Variants in STAG2 observed in about 807,000 individuals in gnomAD.
STAG2 encodes the protein cohesin subunit SA-2.
STAG2 carries 14 observed loss-of-function variants against 108.1 expected under a neutral mutation model. The ratio of observed to expected loss-of-function variants is 0.13; its 90% CI spans 0.09 to 0.20. The LOEUF (loss-of-function observed/expected upper bound fraction) is 0.20. STAG2 is among the 10% of genes least tolerant of loss of function. The pLI, the probability that STAG2 is intolerant of heterozygous loss-of-function variation, is 1.00. For missense variants in STAG2, 440 were observed against 940.9 expected (o/e 0.47, Z 6.96); for synonymous variants, 307 against 302.7 (o/e 1.01, Z -0.15).
chrX:124,027,400 G>A (rs2057144263), intron 4 of STAG2, among the ~76,000 whole-genome samples: 2 of 111,728 alleles, frequency 1.8e-5, no homozygotes, highest in South Asian at 7.3e-4. Flanking sequence ...ATTAACTTAC[G>A]GCTATCCAAA....
At chrX:124,070,979 A>T (rs752193001) in intron 24 of STAG2, among the ~76,000 whole-genome samples, 170 bp from the exon 25 acceptor site, 22 of 112,279 alleles carry the variant, frequency 2.0e-4, no homozygotes, top group African/African-American at 7.1e-4. Context: ...CATAAATTAT[A>T]CTTCGCAGCT....
chrX:124,005,715 A>T (rs745512352), intron 1 of STAG2, among the ~76,000 whole-genome samples: 3 of 111,792 alleles, frequency 2.7e-5, no homozygotes, highest in Non-Finnish European at 3.8e-5. Flanking sequence ...TTGTTTAACC[A>T]TGTACTCATT....
At chrX:124,049,467 T>C (rs1358151359) in intron 10 of STAG2, among the ~76,000 whole-genome samples, 1 of 112,448 alleles carries the variant, frequency 8.9e-6, no homozygotes, top group Non-Finnish European at 1.9e-5. Context: ...TTTCTTTTGC[T>C]GTTTTGAATG....
At chrX:123,968,350 G>T (rs991003748) in intron 1 of STAG2, among the ~76,000 whole-genome samples, 15 of 112,206 alleles carry the variant, frequency 1.3e-4, no homozygotes, top group African/African-American at 4.9e-4. Flanking sequence ...ACCATTCAAA[G>T]GTAAAATTTC....
chrX:124,098,418 C>T (rs181742357), intron 34 of STAG2, among the ~76,000 whole-genome samples: 234 of 111,271 alleles, frequency 2.1e-3, no homozygotes, highest in African/African-American at 7.1e-3. Flanking sequence ...CTAAACTATA[C>T]TCCATACTGT....
rs1416603274 is a variant in STAG2, at chrX:123,967,410, CAT to C, written c.-163+5555_-163+5556del. Among the ~76,000 whole-genome samples, 4 of 108,689 alleles carry C rather than the reference CAT, an allele frequency of 3.7e-5. No individual in the cohort carries two copies. The East Asian group carries it at 1.2e-3, about 31-fold the overall frequency. The allele number at this position is 108,689 out of a possible 115,157, so 94.4% of individuals were successfully genotyped here. The stretch of plus-strand genomic sequence containing the variant: ...CCTCCCGAGTAGCTGGGATTACAGG[CAT>C]GTGCCACCACACCGGGCTAATTTTG... On this transcript the variant is annotated intron_variant, in intron 1 of 34. Coordinates refer to ENST00000371145, the MANE Select transcript of STAG2 (RefSeq NM_001042750.2).
rs1216097103 is a variant in STAG2, at chrX:124,031,528, G to GT, written c.288+409dup. 1.0e-3 allele frequency among the ~76,000 whole-genome samples: 82 copies of GT among 82,242 alleles called. 1 individual carries two copies. The highest frequency in any genetic ancestry group is 2.3e-3 in the East Asian group (6 of 2,560). The allele number at this position is 82,242 out of a possible 115,157, so 71.4% of individuals were successfully genotyped here. Reference sequence around the variant, plus strand: ...GTACAAACCACCATGCCTGGCTAGTGTTTTTTGTTTGTTTGTTTGTTTGTT... The same window carrying GT: ...GTACAAACCACCATGCCTGGCTAGTGTTTTTTTGTTTGTTTGTTTGTTTGTT... On this transcript the variant is annotated intron_variant, in intron 5 of 34. Transcript: ENST00000371145.
intron 1 of STAG2, among the ~76,000 whole-genome samples, chrX:124,005,131 G>C (rs1298653544): frequency 9.0e-6 from 1 of 111,681 alleles, no homozygotes; most frequent in Non-Finnish European, 1.9e-5. Flanking sequence ...TAGTTATATT[G>C]TATTGATTTT....
intron 1 of STAG2, among the ~76,000 whole-genome samples, chrX:123,973,261 C>T (rs933943241): frequency 3.6e-5 from 4 of 109,616 alleles, no homozygotes; most frequent in African/African-American, 6.6e-5. Flanking sequence ...TATGGGGGAC[C>T]GGGTGCGGTA....
chrX:124,068,574 T>C lies in STAG2; in HGVS notation c.2276T>C (p.Leu759Pro). ...TTAAATTTTTTCAAGGAGGACTTGC[T>C]GCGTTTAAAGAAACAAATGAGAGTA... is the stretch of plus-strand genomic sequence containing the variant. ...TESSSTKEDL[L>P]RLKKQMRVFC... Residue 759 changes from leucine to proline, a missense_variant, in exon 24 of 35, where the codon CTG becomes CCG. Leu to Pro is a moderately conservative substitution (Grantham distance 98). This residue lies in a region of STAG2 where 337 missense variants were observed against 649.3 expected (regional missense o/e 0.52). Coordinates refer to ENST00000371145, the MANE Select transcript of STAG2 (RefSeq NM_001042750.2). The C allele has an allele frequency of 1.7e-6, 2 of 1,187,892 alleles. No individual in the cohort carries two copies. Among genetic ancestry groups the C allele is most frequent in the Non-Finnish European group, 2.3e-6 (2 of 886,623 alleles).
intron 1 of STAG2, among the ~76,000 whole-genome samples, chrX:124,020,345 C>T (rs1178115162): frequency 1.8e-5 from 2 of 112,134 alleles, no homozygotes; most frequent in African/African-American, 6.5e-5. Flanking sequence ...CAGACAGATA[C>T]AGCAAGGATC....
chrX:124,020,371 T>A (rs977692205), intron 1 of STAG2, among the ~76,000 whole-genome samples: 1 of 112,209 alleles, frequency 8.9e-6, no homozygotes, highest in Non-Finnish European at 1.9e-5. Flanking sequence ...ACCTTTTTTA[T>A]TTTCATCTTG....
At chrX:123,985,088 A>G (rs2055102010) in intron 1 of STAG2, among the ~76,000 whole-genome samples, 1 of 112,240 alleles carries the variant, frequency 8.9e-6, no homozygotes, top group Non-Finnish European at 1.9e-5. Flanking sequence ...GTATTACTGT[A>G]GAATACAAGA....
intron 1 of STAG2, among the ~76,000 whole-genome samples, chrX:123,971,736 G>A (rs762756471): frequency 9.0e-6 from 1 of 111,728 alleles, no homozygotes; most frequent in East Asian, 2.8e-4. Context: ...TTTTCCGTAT[G>A]TATTATTCAG....
chrX:124,026,476 C>G (rs2057109231), intron 4 of STAG2: 1 of 162,034 alleles, frequency 6.2e-6, no homozygotes, highest in Non-Finnish European at 1.4e-5. Context: ...TGGCGAATGG[C>G]TAAATTATTT....
At chrX:124,005,732 T>G (rs2056254986) in intron 1 of STAG2, among the ~76,000 whole-genome samples, 1 of 111,457 alleles carries the variant, frequency 9.0e-6, no homozygotes, top group Admixed American at 9.6e-5. Flanking sequence ...CATTGAGGGA[T>G]TTTTGGGTTT....
intron 5 of STAG2, among the ~76,000 whole-genome samples, chrX:124,033,411 T>A (rs1001935550): frequency 2.7e-5 from 3 of 112,045 alleles, no homozygotes; most frequent in African/African-American, 9.7e-5. Context: ...AATGCACTAA[T>A]CTTCTTTCTT....
At chrX:124,040,930 G>A (rs370494337) in intron 6 of STAG2, among the ~76,000 whole-genome samples, 2 of 91,065 alleles carry the variant, frequency 2.2e-5, no homozygotes, top group African/African-American at 8.4e-5. Context: ...GTGTGATCTC[G>A]GCTCACTGCA....
At chrX:124,027,979 A>C (rs1446414957) in intron 4 of STAG2, among the ~76,000 whole-genome samples, 1 of 111,042 alleles carries the variant, frequency 9.0e-6, no homozygotes, top group Non-Finnish European at 1.9e-5. Context: ...TAATTGTCCC[A>C]ATTAGTTTTT....
Sources: allele counts gnomAD v4.1 joint callset (sites outside exome capture counted in the v4.1 genomes callset), GRCh38; gene constraint gnomAD v4.1.1; regional missense constraint gnomAD v4.1.1; transcripts MANE v1.5; gene names NCBI Gene and HGNC (gene_info 2026-07-23, HGNC 2026-07-21).